The following ANLN variants were observed in gnomAD, a reference collection of about 807,000 sequenced individuals.
ANLN encodes anillin.
A neutral mutation model predicts 135.1 loss-of-function variants in ANLN; 59 were observed. That is an observed-to-expected ratio of 0.44 (90% CI 0.35 to 0.54). ANLN has a LOEUF of 0.54. Ranked by LOEUF, ANLN falls within the 20% of genes least tolerant of loss-of-function variation. The probability of loss-of-function intolerance (pLI) is 0.00; values close to 1 mark genes in which losing one functional copy is unlikely to be tolerated. For synonymous variants in ANLN, 406 were observed against 456.4 expected, an observed-to-expected ratio of 0.89 and a Z score of 1.41; for missense variants, 1,182 against 1,340.0, an observed-to-expected ratio of 0.88 and a Z score of 1.84.
Position 36,453,647 on chromosome 7 carries a change from T to C in ANLN, c.*1047T>C, listed in dbSNP as rs1386295210. 1.3e-5 allele frequency: 2 copies of C among 152,632 alleles called. No individual in the cohort carries two copies. The highest frequency in any genetic ancestry group is 2.9e-5 in the Non-Finnish European group (2 of 68,042). 9.5% of individuals were successfully genotyped at this position (152,632 alleles called of 1,614,324 possible). A position where few individuals can be genotyped will look rare whatever the true frequency, so the allele number is the denominator to read the frequency against. ...TCTTCTCTGAATTATTAAAGTTCTT[T>C]ATGACCTCATTTATAAACACTAAAT... On this transcript the variant is annotated 3_prime_UTR_variant, in exon 24 of 24. Coordinates refer to ENST00000265748, the MANE Select transcript of ANLN (RefSeq NM_018685.5).
chr7:36,397,087 A>G (rs1351477217), intron 2 of ANLN, among the ~76,000 whole-genome samples: 2 of 152,180 alleles, frequency 1.3e-5, no homozygotes, highest in African/African-American at 4.8e-5. Flanking sequence ...TACGACTGTA[A>G]AATACTGTAA....
At position 36,395,724 on chromosome 7, in the gene ANLN, A is replaced by AC. The variant is rs917216614; in HGVS notation, c.19-542_19-541insC. On this transcript the variant is annotated intron_variant, in intron 1 of 23. Coordinates refer to ENST00000265748, the MANE Select transcript of ANLN (RefSeq NM_018685.5). ...CTTGTCTCTGCAGTGGTCATGCAGG[A>AC]ATCTTCAGTGATCTGGCAGATTATC... Among the ~76,000 whole-genome samples, 830 of 152,070 alleles carry AC rather than the reference A, an allele frequency of 5.5e-3. 8 individuals are homozygous for AC. The highest frequency in any genetic ancestry group is 0.019 in the African/African-American group (802 of 41,470).
chr7:36,398,989 T>C (rs1786821284), intron 2 of ANLN, 90 bp from the exon 3 acceptor site: 1 of 963,720 alleles, frequency 1.0e-6, no homozygotes, highest in Admixed American at 2.6e-5. Context: ...GGAGGGGTGA[T>C]GTTTTATTAA....
At chr7:36,425,796 A>C in intron 18 of ANLN, 56 bp downstream of exon 18, 1 of 1,542,376 alleles carries the variant, frequency 6.5e-7, no homozygotes, top group South Asian at 1.1e-5. Context: ...TCTTACCCAT[A>C]CAGTTTTAAA....
intron 1 of ANLN, chr7:36,390,326 A>C: frequency 2.0e-6 from 1 of 509,234 alleles, no homozygotes. Flanking sequence ...CGTTTTTACC[A>C]TGTCCCTCTG....
At chr7:36,448,362 A>G (rs1355886392) in intron 22 of ANLN, among the ~76,000 whole-genome samples, 1 of 152,230 alleles carries the variant, frequency 6.6e-6, no homozygotes, top group African/African-American at 2.4e-5. Flanking sequence ...CACAAAGCAA[A>G]AATAGTATAA....
chr7:36,413,157 G>A (rs1197662536), intron 7 of ANLN, among the ~76,000 whole-genome samples: 1 of 151,592 alleles, frequency 6.6e-6, no homozygotes, highest in Non-Finnish European at 1.5e-5. Flanking sequence ...CTTCCCATCA[G>A]CATATAACAA....
At chr7:36,395,950 A>G (rs1786676664) in intron 1 of ANLN, among the ~76,000 whole-genome samples, 1 of 152,184 alleles carries the variant, frequency 6.6e-6, no homozygotes, top group Non-Finnish European at 1.5e-5. Context: ...TATTGGTCAA[A>G]GCAGATCACA....
chr7:36,418,074 T>A (rs1270538461), intron 9 of ANLN, among the ~76,000 whole-genome samples: 3 of 152,146 alleles, frequency 2.0e-5, no homozygotes, highest in Admixed American at 2.0e-4. Flanking sequence ...GGGAAATACT[T>A]ACGTTTACTG....
intron 18 of ANLN, 71 bp downstream of exon 18, chr7:36,425,811 T>C: frequency 6.7e-7 from 1 of 1,494,228 alleles, no homozygotes. Context: ...TTTAAATTGG[T>C]TAACCATTTC....
At position 36,418,945 on chromosome 7, in the gene ANLN, C is replaced by G. The variant is rs34029104; in HGVS notation, c.1634-299C>G. Among the ~76,000 whole-genome samples the G allele has an allele frequency of 0.12, 17,547 of 151,904 alleles. 1,077 individuals are homozygous for G. Among genetic ancestry groups the G allele is most frequent in the South Asian group, 0.14 (677 of 4,814 alleles). Reference sequence around the variant, plus strand: ...ATTTTTTTTGTATTTTTAGTAGAGACTGGGCTTTGCCATGTTGGCCAGACT... The same window carrying G: ...ATTTTTTTTGTATTTTTAGTAGAGAGTGGGCTTTGCCATGTTGGCCAGACT... On this transcript the variant is annotated intron_variant, in intron 9 of 23. Transcript: ENST00000265748.
intron 23 of ANLN, 150 bp downstream of exon 23, chr7:36,449,987 A>G: frequency 1.6e-6 from 1 of 629,512 alleles, no homozygotes; most frequent in Non-Finnish European, 2.6e-6. Flanking sequence ...GCAGTAAGTG[A>G]ACCATCTATA....
intron 23 of ANLN, among the ~76,000 whole-genome samples, chr7:36,451,370 G>A (rs934834156): frequency 4.6e-5 from 7 of 152,252 alleles, no homozygotes; most frequent in Admixed American, 3.9e-4. Context: ...TGGGGAGGCA[G>A]TAGTTACAGT....
At chr7:36,437,839 T>G (rs2116766393) in intron 20 of ANLN, among the ~76,000 whole-genome samples, 1 of 152,298 alleles carries the variant, frequency 6.6e-6, no homozygotes. Context: ...TGGCACAATC[T>G]TGGCACACTG....
chr7:36,446,618 G>A lies in ANLN; in HGVS notation c.3078+2756G>A, dbSNP rs185569604. ...GGTGCCAAACATTTTTAAACAATCA[G>A]TTCATGCGAGAACTCATTCACTATT... On this transcript the variant is annotated intron_variant, in intron 22 of 23. Transcript: ENST00000265748. Among the ~76,000 whole-genome samples, 157 of 152,278 alleles carry A rather than the reference G, an allele frequency of 1.0e-3. 2 individuals are homozygous for A. The highest frequency in any genetic ancestry group is 9.6e-3 in the Admixed American group (147 of 15,302).
At chr7:36,399,880 C>A (rs962765009) in intron 3 of ANLN, among the ~76,000 whole-genome samples, 1 of 152,064 alleles carries the variant, frequency 6.6e-6, no homozygotes, top group Non-Finnish European at 1.5e-5. Flanking sequence ...TTGATCCTTA[C>A]CTTTCATGAG....
At chr7:36,450,483 A>T (rs541170193) in intron 23 of ANLN, among the ~76,000 whole-genome samples, 1 of 152,284 alleles carries the variant, frequency 6.6e-6, no homozygotes, top group Non-Finnish European at 1.5e-5. Context: ...GATATTGCAG[A>T]TGGGGGGAGA....
chr7:36,413,965 G>C (rs1787533561), intron 7 of ANLN, among the ~76,000 whole-genome samples: 1 of 151,730 alleles, frequency 6.6e-6, no homozygotes, highest in Non-Finnish European at 1.5e-5. Flanking sequence ...CTGCACTCCA[G>C]TCTGGGCAAT....
chr7:36,390,785 C>T (rs1294661897), intron 1 of ANLN, among the ~76,000 whole-genome samples: 1 of 152,186 alleles, frequency 6.6e-6, no homozygotes. Context: ...ATATGGGTTA[C>T]ATGGTTATTG....
Sources: allele counts gnomAD v4.1 joint callset (sites outside exome capture counted in the v4.1 genomes callset), GRCh38; gene constraint gnomAD v4.1.1; transcripts MANE v1.5; gene names NCBI Gene and HGNC (gene_info 2026-07-23, HGNC 2026-07-21).